Variants in COL27A1 observed in about 807,000 individuals in gnomAD.
The protein encoded by COL27A1 is collagen alpha-1(XXVII) chain.
Under a neutral mutation model 251.3 loss-of-function variants are expected in COL27A1, and 106 were observed. That is an observed-to-expected ratio of 0.42 (90% CI 0.36 to 0.50). The LOEUF (loss-of-function observed/expected upper bound fraction) is 0.50, where lower values mean the gene tolerates loss of function less well. Ranked by LOEUF, COL27A1 falls within the 20% of genes least tolerant of loss-of-function variation. COL27A1 has a pLI of 0.00. For missense variants in COL27A1, 2,325 were observed against 2,522.8 expected (o/e 0.92, Z 1.68); for synonymous variants, 1,000 against 986.3 (o/e 1.01, Z -0.26).
intron 24 of COL27A1, 59 bp from the exon 25 acceptor site, chr9:114,250,556 G>A (rs1833470624): frequency 2.7e-6 from 4 of 1,507,628 alleles, no homozygotes; most frequent in Middle Eastern, 3.5e-4. Context: ...GGAAGGAGCG[G>A]GAGGGCTGGG....
At chr9:114,238,363 G>T (rs886751902) in intron 19 of COL27A1, among the ~76,000 whole-genome samples, 6 of 152,130 alleles carry the variant, frequency 3.9e-5, no homozygotes, top group Non-Finnish European at 8.8e-5. Flanking sequence ...TTTAACAGGG[G>T]TCTCGTGTCT....
chr9:114,192,343 C>T (rs1828803830), intron 5 of COL27A1, among the ~76,000 whole-genome samples: 1 of 152,124 alleles, frequency 6.6e-6, no homozygotes, highest in Admixed American at 6.5e-5. Context: ...CTCGGTAGCC[C>T]TAGGTCTGGC....
chr9:114,215,960 T>G (rs1222559973), intron 12 of COL27A1, among the ~76,000 whole-genome samples: 1 of 152,200 alleles, frequency 6.6e-6, no homozygotes, highest in African/African-American at 2.4e-5. Context: ...TGTTTCTTGC[T>G]TCTCTGCCCC....
chr9:114,251,367 A>G (rs1458750822), intron 25 of COL27A1, among the ~76,000 whole-genome samples: 1 of 150,344 alleles, frequency 6.7e-6, no homozygotes, highest in Admixed American at 6.6e-5. Flanking sequence ...CTTGTGCCAC[A>G]CTCTATCACT....
chr9:114,265,248 G>T, intron 31 of COL27A1, 138 bp downstream of exon 31: 1 of 1,106,412 alleles, frequency 9.0e-7, no homozygotes, highest in Non-Finnish European at 1.3e-6. Flanking sequence ...TTGCCCACCT[G>T]CCCTGCACTG....
chr9:114,217,924 G>A (rs1830813673), intron 12 of COL27A1: 2 of 432,992 alleles, frequency 4.6e-6, no homozygotes, highest in South Asian at 3.3e-5. Context: ...GACCAGCTTG[G>A]GCAACATGGA....
At chr9:114,281,132 G>A (rs1229147041) in intron 37 of COL27A1, among the ~76,000 whole-genome samples, 1 of 152,210 alleles carries the variant, frequency 6.6e-6, no homozygotes, top group Non-Finnish European at 1.5e-5. Context: ...AATGCAACCA[G>A]AGGGATTACA....
intron 59 of COL27A1, among the ~76,000 whole-genome samples, chr9:114,308,541 A>G (rs1430382526): frequency 6.6e-6 from 1 of 152,108 alleles, no homozygotes; most frequent in East Asian, 1.9e-4. Flanking sequence ...CAGGACGGGG[A>G]GGTCAGACTC....
At chr9:114,225,992 C>T (rs578187875) in intron 14 of COL27A1, among the ~76,000 whole-genome samples, 7 of 152,282 alleles carry the variant, frequency 4.6e-5, no homozygotes, top group South Asian at 2.1e-4. Context: ...AGTGAGCCAC[C>T]GGTGGCTCCC....
intron 49 of COL27A1, among the ~76,000 whole-genome samples, chr9:114,298,596 C>T (rs770510594): frequency 1.2e-4 from 19 of 152,124 alleles, no homozygotes; most frequent in Non-Finnish European, 2.2e-4. Context: ...TCACATATCA[C>T]GTACCAGAGA....
chr9:114,307,801 C>T (rs1410991028), intron 59 of COL27A1, 23 bp downstream of exon 59: 3 of 1,552,374 alleles, frequency 1.9e-6, no homozygotes, highest in Non-Finnish European at 2.7e-6. Flanking sequence ...TCCCACACTG[C>T]CCACCAGGCT....
chr9:114,286,987 G>T (rs756228362), intron 41 of COL27A1, among the ~76,000 whole-genome samples: 55 of 152,140 alleles, frequency 3.6e-4, no homozygotes, highest in Non-Finnish European at 6.5e-4. Flanking sequence ...ACACAGGCAG[G>T]CCCCTTCCCC....
At chr9:114,233,169 G>A (rs907985706) in intron 16 of COL27A1, among the ~76,000 whole-genome samples, 1 of 152,226 alleles carries the variant, frequency 6.6e-6, no homozygotes, top group African/African-American at 2.4e-5. Context: ...GAAGGTCAGA[G>A]CTGGTGAGAC....
intron 26 of COL27A1, 70 bp downstream of exon 26, chr9:114,252,716 A>G (rs1833626371): frequency 6.8e-7 from 1 of 1,481,188 alleles, no homozygotes; most frequent in Non-Finnish European, 9.4e-7. Context: ...GCTCTCCTCC[A>G]TGAACCGCTT....
chr9:114,306,261 G>T (rs934420690), intron 57 of COL27A1: 6 of 401,016 alleles, frequency 1.5e-5, no homozygotes, highest in Non-Finnish European at 1.8e-5. Flanking sequence ...ACGGGGCTCT[G>T]CCTGTCCCAT....
At chr9:114,194,305 C>T in intron 5 of COL27A1, 99 bp from the exon 6 acceptor site, 1 of 1,124,710 alleles carries the variant, frequency 8.9e-7, no homozygotes, top group Non-Finnish European at 1.4e-6. Flanking sequence ...GATGGGAAGG[C>T]ATTTAAGCAA....
intron 11 of COL27A1, 84 bp downstream of exon 11, chr9:114,209,812 A>G: frequency 7.4e-7 from 1 of 1,360,362 alleles, no homozygotes; most frequent in Non-Finnish European, 1.0e-6. Context: ...AGCCTGGGGA[A>G]GTCAAGGAAT....
intron 34 of COL27A1, 158 bp from the exon 35 acceptor site, chr9:114,269,083 T>C: frequency 1.8e-6 from 1 of 560,252 alleles, no homozygotes; most frequent in Non-Finnish European, 3.2e-6. Flanking sequence ...GGAGCTCTGG[T>C]TGGTGTTTTA....
intron 11 of COL27A1, among the ~76,000 whole-genome samples, chr9:114,210,149 A>G (rs1209162195): frequency 1.3e-5 from 2 of 152,216 alleles, no homozygotes; most frequent in African/African-American, 2.4e-5. Flanking sequence ...GGGGTCTGCA[A>G]ACGGTGGCCC....
Sources: gnomAD v4.1 joint callset for allele counts (sites outside exome capture counted in the v4.1 genomes callset) on GRCh38, gnomAD v4.1.1 for gene constraint, MANE v1.5 for transcripts, NCBI Gene and HGNC (gene_info 2026-07-23, HGNC 2026-07-21) for gene names.